The following PCDHGB4 variants were observed in gnomAD, a reference collection of about 807,000 sequenced individuals.
PCDHGB4 encodes the protein protocadherin gamma-B4.
In PCDHGB4, 38 loss-of-function variants were observed where a neutral mutation model predicts 60.5. The observed-to-expected ratio is 0.63, with a 90% confidence interval of 0.48 to 0.82. The LOEUF (loss-of-function observed/expected upper bound fraction) is 0.82. PCDHGB4 is among the 40% of genes least tolerant of loss of function. The probability of loss-of-function intolerance (pLI) is 0.00; values close to 1 mark genes in which losing one functional copy is unlikely to be tolerated. For synonymous variants in PCDHGB4, 456 were observed against 509.7 expected (o/e 0.89, Z 1.42); for missense variants, 1,109 against 1,209.6 (o/e 0.92, Z 1.23).
rs751145850 is a variant in PCDHGB4 at position 141,432,148 on chromosome 5, G to A, written c.2397+41867G>A. The A allele has an allele frequency of 6.1e-5, 99 of 1,613,884 alleles. No individual in the cohort carries two copies. The Admixed American group carries it at 1.5e-3, about 24-fold the overall frequency. On this transcript the variant is annotated intron_variant, in intron 1 of 3. Transcript: ENST00000519479. The surrounding 1 kb of genome is among the most constrained non-coding windows in gnomAD (Gnocchi z 6.0). ...CCTCCTATTCCGCTTATATCCCAGA[G>A]AACAATCCCAGAGGAGTTTCCCTCG...
intron 1 of PCDHGB4, among the ~76,000 whole-genome samples, chr5:141,484,535 A>G (rs2099597486): frequency 6.6e-6 from 1 of 152,178 alleles, no homozygotes. Flanking sequence ...AGTATATGGC[A>G]GTGGTTCTAA....
At position 141,485,343 on chromosome 5, in the gene PCDHGB4, A is replaced by G; in HGVS notation, c.2398-9464A>G. ...GCTCAAGATTTCCTGCTGGATACGG[A>G]CAGTCTGTCAGCTCGCAGGCTGCAG... On this transcript the variant is annotated intron_variant, in intron 1 of 3. Transcript: ENST00000519479. This position sits in a 1 kb window ranked among gnomAD's most constrained non-coding sequence, Gnocchi z 5.7. 1 of 1,614,062 alleles carries G rather than the reference A, an allele frequency of 6.2e-7. No homozygotes were observed. Among genetic ancestry groups the G allele is most frequent in the Non-Finnish European group, 8.5e-7 (1 of 1,179,984 alleles).
intron 1 of PCDHGB4, chr5:141,492,070 GCCGGCT>G (rs1329848558): frequency 2.1e-6 from 1 of 477,826 alleles, no homozygotes; most frequent in Non-Finnish European, 3.7e-6. Context: ...CCTCCTAGGC[GCCGGCT>G]CCGGCACGCT....
chr5:141,413,398 A>G lies in PCDHGB4; in HGVS notation c.2397+23117A>G, dbSNP rs780416951. The G allele has an allele frequency of 1.9e-5, 30 of 1,613,944 alleles. No homozygotes were observed. Among genetic ancestry groups the G allele is most frequent in the African/African-American group, 4.0e-5 (3 of 74,960 alleles). Reference sequence around the variant, plus strand: ...CGGAGTCCGCATAGTCTCCAGAGGTAGGACGCAGCTTTTCTCTCTGAACCC... The same window carrying G: ...CGGAGTCCGCATAGTCTCCAGAGGTGGGACGCAGCTTTTCTCTCTGAACCC... On this transcript the variant is annotated intron_variant, in intron 1 of 3. Transcript: ENST00000519479.
chr5:141,464,896 G>C (rs1166142533), intron 1 of PCDHGB4, among the ~76,000 whole-genome samples: 2 of 151,554 alleles, frequency 1.3e-5, no homozygotes, highest in African/African-American at 4.8e-5. Context: ...ATGCCACCAT[G>C]TCCAGCTAAT....
intron 1 of PCDHGB4, chr5:141,399,869 G>A: frequency 1.2e-6 from 2 of 1,612,822 alleles, no homozygotes; most frequent in Non-Finnish European, 8.5e-7. Context: ...GCAGAGCCCG[G>A]CTACCTGGTG....
chr5:141,500,894 C>G (rs1221911920), intron 2 of PCDHGB4, among the ~76,000 whole-genome samples: 1 of 150,982 alleles, frequency 6.6e-6, no homozygotes, highest in African/African-American at 2.4e-5. Flanking sequence ...TTTTTTGAGA[C>G]AGTCTCGCTC....
intron 1 of PCDHGB4, chr5:141,413,667 G>A: frequency 6.2e-7 from 1 of 1,613,836 alleles, no homozygotes; most frequent in Non-Finnish European, 8.5e-7. Flanking sequence ...CTATTGATCC[G>A]GATGTGGGCG....
intron 1 of PCDHGB4, chr5:141,418,409 G>A (rs2096254230): frequency 6.2e-7 from 1 of 1,613,792 alleles, no homozygotes; most frequent in African/African-American, 1.3e-5. Context: ...GGTGGAGAAA[G>A]ACAATCCTGA....
chr5:141,433,643 C>A (rs899772934), intron 1 of PCDHGB4, among the ~76,000 whole-genome samples: 13 of 152,070 alleles, frequency 8.5e-5, no homozygotes, highest in African/African-American at 2.7e-4. Context: ...TGAGACCAGC[C>A]TGACCAACAT....
intron 1 of PCDHGB4, chr5:141,409,361 G>A (rs754448763): frequency 6.2e-7 from 1 of 1,613,964 alleles, no homozygotes; most frequent in Non-Finnish European, 8.5e-7. Flanking sequence ...GTGTAATATA[G>A]AAACAGACAT....
In PCDHGB4 at chr5:141,499,962, A is replaced by G. The variant is rs147527188; in HGVS notation, c.2456+5097A>G. Among the ~76,000 whole-genome samples the G allele has an allele frequency of 3.7e-3, 563 of 152,178 alleles. 5 individuals are homozygous for G. Among genetic ancestry groups the G allele is most frequent in the Admixed American group, 0.011 (164 of 15,288 alleles). On this transcript the variant is annotated intron_variant, in intron 2 of 3. Coordinates refer to ENST00000519479, the MANE Select transcript of PCDHGB4 (RefSeq NM_003736.4). ...CTCGGCCTCCCAAAATGTTGGGATT[A>G]CAGGTGTGAGCCACCTTGCCCGGCC...
chr5:141,431,660 A>G lies in PCDHGB4; in HGVS notation c.2397+41379A>G. On this transcript the variant is annotated intron_variant, in intron 1 of 3. Transcript: ENST00000519479. This position sits in a 1 kb window ranked among gnomAD's most constrained non-coding sequence, Gnocchi z 4.8. ...CAAACTAGATTGTAATTCAGGGACA[A>G]TATCAACAATAGGGGAGTTGGACCA... 7 of 1,614,256 alleles carry G rather than the reference A, an allele frequency of 4.3e-6. No individual in the cohort carries two copies. The highest frequency in any genetic ancestry group is 5.1e-6 in the Non-Finnish European group (6 of 1,180,046).
At chr5:141,461,312 C>T (rs1318872213) in intron 1 of PCDHGB4, among the ~76,000 whole-genome samples, 1 of 152,064 alleles carries the variant, frequency 6.6e-6, no homozygotes, top group African/African-American at 2.4e-5. Flanking sequence ...TGTTTTTTGA[C>T]TTTTTAATAA....
At chr5:141,395,547 TGTGTGTGTGTGTGTGTGTG>T (rs2093270842) in intron 1 of PCDHGB4, 3 of 174,256 alleles carry the variant, frequency 1.7e-5, no homozygotes, top group Non-Finnish European at 3.5e-5. Flanking sequence ...ATTGTTTGTG[TGTGTGTGTGTGTGTGTGTG>T]TGTGTGTGTG....
Position 141,491,190 on chromosome 5 carries a change from C to A in PCDHGB4, c.2398-3617C>A, listed in dbSNP as rs759736855. On this transcript the variant is annotated intron_variant, in intron 1 of 3. Transcript: ENST00000519479. The surrounding 1 kb of genome is among the most constrained non-coding windows in gnomAD (Gnocchi z 6.9). ...AGCAGGTGGTGGTCCTGGTGAGGGA[C>A]AATGGTGACCCTTCACTCTCCTCCA... 1 of 1,614,192 alleles carries A rather than the reference C, an allele frequency of 6.2e-7. No homozygotes were observed. The highest frequency in any genetic ancestry group is 1.1e-5 in the South Asian group (1 of 91,082).
intron 1 of PCDHGB4, chr5:141,393,324 C>T: frequency 6.2e-7 from 1 of 1,611,210 alleles, no homozygotes; most frequent in Admixed American, 1.7e-5. Context: ...CCAGAGCTAC[C>T]AGCTCAGCCC....
intron 1 of PCDHGB4, among the ~76,000 whole-genome samples, chr5:141,426,099 G>A (rs1590666889): frequency 1.3e-5 from 2 of 152,348 alleles, no homozygotes; most frequent in African/African-American, 4.8e-5. Context: ...ATTCTGTTCA[G>A]TCACAGAAGC....
chr5:141,453,700 G>T (rs953445370), intron 1 of PCDHGB4, among the ~76,000 whole-genome samples: 1 of 152,166 alleles, frequency 6.6e-6, no homozygotes, highest in East Asian at 1.9e-4. Flanking sequence ...TCCTGGCTTT[G>T]AACAGTTTCA....
Sources: allele counts gnomAD v4.1 joint callset (sites outside exome capture counted in the v4.1 genomes callset), GRCh38; gene constraint gnomAD v4.1.1; non-coding constraint Gnocchi (gnomAD v3.1); transcripts MANE v1.5; gene names NCBI Gene and HGNC (gene_info 2026-07-23, HGNC 2026-07-21).